The following THSD7A variants were observed in gnomAD, a reference collection of about 807,000 sequenced individuals.
THSD7A encodes the protein thrombospondin type 1 domain containing 7A.
A neutral mutation model predicts 231.3 loss-of-function variants in THSD7A; 96 were observed. That is an observed-to-expected ratio of 0.41 (90% CI 0.35 to 0.49). The LOEUF (loss-of-function observed/expected upper bound fraction) is 0.49, where lower values mean the gene tolerates loss of function less well. Ranked by LOEUF, THSD7A falls within the 20% of genes least tolerant of loss-of-function variation. The pLI, the probability that THSD7A is intolerant of heterozygous loss-of-function variation, is 0.05. For synonymous variants in THSD7A, 940 were observed against 743.3 expected (o/e 1.26, Z -4.30); for missense variants, 2,290 against 2,070.2 (o/e 1.11, Z -2.06).
chr7:11,601,231 T>C (rs1250607311), intron 2 of THSD7A, among the ~76,000 whole-genome samples: 6 of 152,214 alleles, frequency 3.9e-5, no homozygotes, highest in Non-Finnish European at 8.8e-5. Context: ...AAGCTCATAT[T>C]GTATGTGCAG....
chr7:11,578,576 TG>T (rs980006490), intron 4 of THSD7A, among the ~76,000 whole-genome samples: 11 of 152,302 alleles, frequency 7.2e-5, no homozygotes, highest in African/African-American at 2.6e-4. Flanking sequence ...CTTAAAATCT[TG>T]GGAAGTTGGC....
intron 13 of THSD7A, among the ~76,000 whole-genome samples, chr7:11,432,436 A>G (rs140563237): frequency 2.0e-5 from 3 of 152,228 alleles, no homozygotes; most frequent in Non-Finnish European, 2.9e-5. Context: ...CCTGAAATCA[A>G]TAGTCCAGAA....
intron 2 of THSD7A, among the ~76,000 whole-genome samples, chr7:11,614,535 A>G (rs1371283242): frequency 6.6e-6 from 1 of 152,188 alleles, no homozygotes; most frequent in African/African-American, 2.4e-5. Flanking sequence ...TCAAATCAAG[A>G]GCATTAAAGT....
chr7:11,732,835 A>G (rs1781781643), intron 1 of THSD7A, among the ~76,000 whole-genome samples: 1 of 151,828 alleles, frequency 6.6e-6, no homozygotes. Context: ...TGTAACCTGT[A>G]TTCCTCATAC....
At chr7:11,796,033 C>T (rs1445069402) in intron 1 of THSD7A, among the ~76,000 whole-genome samples, 4 of 107,480 alleles carry the variant, frequency 3.7e-5, no homozygotes, top group South Asian at 3.0e-4. Context: ...TTAAATTAGC[C>T]ATATATATAT....
rs964426321 is a variant in THSD7A, at chr7:11,462,005, C to G, written c.2501+6G>C. On this transcript the variant is annotated splice_donor_region_variant and intron_variant, in intron 10 of 27. Coordinates refer to ENST00000423059, the MANE Select transcript of THSD7A (RefSeq NM_015204.3). Reference sequence around the variant, plus strand: ...CCTCCCTCACGATGCATTTCTCTAACCCTACCTGTAGCTTTGGCACGCTTG... The same window carrying G: ...CCTCCCTCACGATGCATTTCTCTAAGCCTACCTGTAGCTTTGGCACGCTTG... The G allele has an allele frequency of 6.2e-7, 1 of 1,612,940 alleles. No homozygotes were observed. The highest frequency in any genetic ancestry group is 1.7e-5 in the Admixed American group (1 of 59,936).
chr7:11,577,822 G>C (rs759093907), intron 4 of THSD7A, among the ~76,000 whole-genome samples: 1 of 151,706 alleles, frequency 6.6e-6, no homozygotes. Context: ...ACAATCCGAG[G>C]GTTACTACAA....
At chr7:11,527,274 C>G (rs1788514578) in intron 6 of THSD7A, among the ~76,000 whole-genome samples, 1 of 152,074 alleles carries the variant, frequency 6.6e-6, no homozygotes, top group African/African-American at 2.4e-5. Context: ...GACAACATGT[C>G]ATTTCTATCA....
rs919034635 is a variant in THSD7A, at chr7:11,444,305, T to C, written c.3064+1756A>G. 2.0e-5 allele frequency among the ~76,000 whole-genome samples: 3 copies of C among 152,140 alleles called. No homozygotes were observed. Among genetic ancestry groups the C allele is most frequent in the African/African-American group, 7.2e-5 (3 of 41,438 alleles). ...CCCAGCAATCCCATTACTGGGTATA[T>C]ACCCGAAGGATTATAAATCATTCTA... On this transcript the variant is annotated intron_variant, in intron 13 of 27. Transcript: ENST00000423059. This position sits in a 1 kb window ranked among gnomAD's most constrained non-coding sequence, Gnocchi z 4.2.
intron 4 of THSD7A, among the ~76,000 whole-genome samples, chr7:11,566,529 A>G (rs1025146116): frequency 7.9e-5 from 12 of 152,192 alleles, no homozygotes; most frequent in African/African-American, 2.9e-4. Flanking sequence ...AGGTGCTCCA[A>G]AGTACCATGG....
chr7:11,610,290 C>T (rs1441216610), intron 2 of THSD7A, among the ~76,000 whole-genome samples: 1 of 152,040 alleles, frequency 6.6e-6, no homozygotes, highest in Non-Finnish European at 1.5e-5. Context: ...CTTTCACTCC[C>T]CCAAATTGGA....
chr7:11,666,908 C>T (rs1388722428), intron 1 of THSD7A, among the ~76,000 whole-genome samples: 2 of 151,686 alleles, frequency 1.3e-5, no homozygotes, highest in African/African-American at 4.8e-5. Flanking sequence ...TGATTTAATG[C>T]AAGCATATTA....
At chr7:11,438,141 TGCAGTA>T (rs1784691541) in intron 13 of THSD7A, among the ~76,000 whole-genome samples, 1 of 152,012 alleles carries the variant, frequency 6.6e-6, no homozygotes. Context: ...GTTACTTCTT[TGCAGTA>T]GCTAGTAATG....
chr7:11,680,766 G>T (rs115864657), intron 1 of THSD7A, among the ~76,000 whole-genome samples: 4,072 of 152,212 alleles, frequency 0.027, 197 homozygotes, highest in African/African-American at 0.094. Flanking sequence ...GTGTAAATTA[G>T]CTCAACCATT....
At chr7:11,596,231 G>A (rs1168626092) in intron 2 of THSD7A, among the ~76,000 whole-genome samples, 1 of 152,142 alleles carries the variant, frequency 6.6e-6, no homozygotes, top group African/African-American at 2.4e-5. Context: ...TTTTACCTGG[G>A]TAACTGTGCA....
intron 4 of THSD7A, among the ~76,000 whole-genome samples, chr7:11,552,897 C>T (rs143128722): frequency 1.3e-5 from 2 of 152,084 alleles, no homozygotes; most frequent in East Asian, 1.9e-4. Context: ...AATCAGACAC[C>T]GCCTCCTCAA....
At chr7:11,556,098 G>T (rs1360026050) in intron 4 of THSD7A, among the ~76,000 whole-genome samples, 1 of 151,312 alleles carries the variant, frequency 6.6e-6, no homozygotes, top group Non-Finnish European at 1.5e-5. Context: ...ATATGTTATG[G>T]ACTAAGTCTT....
At chr7:11,771,539 A>C (rs1176449678) in intron 1 of THSD7A, among the ~76,000 whole-genome samples, 1 of 152,234 alleles carries the variant, frequency 6.6e-6, no homozygotes, top group African/African-American at 2.4e-5. Context: ...GTTTGATATA[A>C]GAAAGATATC....
intron 4 of THSD7A, among the ~76,000 whole-genome samples, chr7:11,553,663 A>G (rs1055692280): frequency 2.0e-5 from 3 of 152,036 alleles, no homozygotes; most frequent in Non-Finnish European, 4.4e-5. Flanking sequence ...TTTAAAGAGG[A>G]TTCAAATGAA....
Sources: gnomAD v4.1 joint callset for allele counts (sites outside exome capture counted in the v4.1 genomes callset) on GRCh38, gnomAD v4.1.1 for gene constraint, Gnocchi (gnomAD v3.1) non-coding constraint, MANE v1.5 for transcripts, NCBI Gene and HGNC (gene_info 2026-07-23, HGNC 2026-07-21) for gene names.